Variants in PKN3 observed in about 807,000 individuals in gnomAD.
The protein encoded by PKN3 is protein kinase N3.
In PKN3, 91 loss-of-function variants were observed where a neutral mutation model predicts 113.1. The ratio of observed to expected loss-of-function variants is 0.80; its 90% CI spans 0.68 to 0.96. The LOEUF is 0.96. Ranked by LOEUF, PKN3 falls within the 40% of genes least tolerant of loss-of-function variation. PKN3 has a pLI of 0.00. For missense variants in PKN3, 1,052 were observed against 1,202.2 expected (o/e 0.88, Z 1.85); for synonymous variants, 467 against 499.0 (o/e 0.94, Z 0.85).
In PKN3 at chr9:128,714,871, C is replaced by T. The variant is rs1447020312; in HGVS notation, c.1652+6C>T. 4 of 1,612,756 alleles carry T rather than the reference C, an allele frequency of 2.5e-6. No individual in the cohort carries two copies. In the Admixed American group the frequency reaches 6.7e-5, roughly 27 times the overall value. ...CCACCAGCCTCCCCCACCAGGTACC[C>T]CATCCTGCGCACCTTCATGTTTGAG... On this transcript the variant is annotated splice_donor_region_variant and intron_variant, in intron 13 of 21. Transcript: ENST00000291906.
At chr9:128,705,703 G>A (rs1861992974) in intron 2 of PKN3, 31 bp from the exon 3 acceptor site, 1 of 1,574,518 alleles carries the variant, frequency 6.4e-7, no homozygotes, top group Non-Finnish European at 8.6e-7. Flanking sequence ...TCTGGGTGAG[G>A]GACTCCTGTG....
Position 128,706,903 on chromosome 9 carries a change from G to A in PKN3, c.531G>A (p.Glu177=), listed in dbSNP as rs1287084126. The change falls in exon 5 of 22, where the codon GAG becomes GAA. Residue 177 remains glutamate, a synonymous_variant. Coordinates refer to ENST00000291906, the MANE Select transcript of PKN3 (RefSeq NM_013355.5). The part of the protein sequence containing the change: ...EASGSPEPGP[E]LLAEELQHRL... ...CCGCCGTCCTTCCCACAGGGCCTGAGCTGCTGGCGGAGGAGCTACAGCATC... is the reference window on the plus strand; with the variant it reads ...CCGCCGTCCTTCCCACAGGGCCTGAACTGCTGGCGGAGGAGCTACAGCATC... The A allele has an allele frequency of 1.2e-6, 2 of 1,614,132 alleles. No homozygotes were observed. The highest frequency in any genetic ancestry group is 2.2e-5 in the East Asian group (1 of 44,884).
At chr9:128,706,626 T>C in intron 3 of PKN3, 87 bp from the exon 4 acceptor site, 1 of 1,000,062 alleles carries the variant, frequency 1.0e-6, no homozygotes. Flanking sequence ...CCTGTTTTGA[T>C]GGGGGAGACC....
chr9:128,711,587 C>T (rs1423090137), intron 6 of PKN3, among the ~76,000 whole-genome samples: 2 of 151,804 alleles, frequency 1.3e-5, no homozygotes, highest in African/African-American at 4.8e-5. Flanking sequence ...TGTGAGCCAC[C>T]ACGCCCGGCC....
chr9:128,711,403 T>A (rs1862171453), intron 6 of PKN3, among the ~76,000 whole-genome samples: 1 of 150,154 alleles, frequency 6.7e-6, no homozygotes, highest in Non-Finnish European at 1.5e-5. Flanking sequence ...GCCTCCCGGG[T>A]TCACGCCATT....
Position 128,720,674 on chromosome 9 carries a change from C to A in PKN3, c.*68C>A. 1.4e-6 allele frequency: 2 copies of A among 1,394,434 alleles called. No homozygotes were observed. 86.4% of individuals were successfully genotyped at this position (1,394,434 alleles called of 1,614,324 possible). On this transcript the variant is annotated 3_prime_UTR_variant, in exon 22 of 22. Transcript: ENST00000291906. This position sits in a 1 kb window ranked among gnomAD's most constrained non-coding sequence, Gnocchi z 5.5. The stretch of plus-strand genomic sequence containing the variant: ...TAGAGCCTCTGCTCGTTCACCCGTG[C>A]GCCCTGCCTGGAGGTCCAGGCCTTG...
At position 128,707,395 on chromosome 9, in the gene PKN3, C is replaced by A. The variant is rs144132484; in HGVS notation, c.825C>A (p.Thr275=). 1 of 1,606,764 alleles carries A rather than the reference C, an allele frequency of 6.2e-7. No homozygotes were observed. Among genetic ancestry groups the A allele is most frequent in the African/African-American group, 1.3e-5 (1 of 74,912 alleles). Residue 275 remains threonine, a synonymous_variant, in exon 6 of 22, where the codon ACC becomes ACA. Coordinates refer to ENST00000291906, the MANE Select transcript of PKN3 (RefSeq NM_013355.5). ...CTTCAGGGACACCTGTGAAGCCCACCGCCCTAACAGGTAGTCAGAAGTTCC... is the reference window on the plus strand; with the variant it reads ...CTTCAGGGACACCTGTGAAGCCCACAGCCCTAACAGGTAGTCAGAAGTTCC... ...PQPSGTPVKP[T]ALTGTLQVRL... is the part of the protein sequence containing the mutation.
chr9:128,706,489 C>T lies in PKN3; in HGVS notation c.412-224C>T, dbSNP rs118120340. Among the ~76,000 whole-genome samples the T allele has an allele frequency of 3.0e-3, 453 of 152,220 alleles. 7 individuals are homozygous for T. The East Asian group carries it at 0.034, about 11-fold the overall frequency. On this transcript the variant is annotated intron_variant, in intron 3 of 21. Transcript: ENST00000291906. ...CTGATGGGAGAGGCATGACCCCAGCCGTGATATGAAAGAGGAAATTTGACC... is the reference window on the plus strand; with the variant it reads ...CTGATGGGAGAGGCATGACCCCAGCTGTGATATGAAAGAGGAAATTTGACC...
At chr9:128,717,142 T>C (rs199539953) in intron 16 of PKN3, among the ~76,000 whole-genome samples, 57 of 127,816 alleles carry the variant, frequency 4.5e-4, no homozygotes, top group African/African-American at 1.6e-3. Flanking sequence ...TTTTTTTTTT[T>C]TGTGAGACAG....
intron 1 of PKN3, chr9:128,703,317 AG>A: frequency 1.0e-5 from 10 of 954,208 alleles, no homozygotes; most frequent in Non-Finnish European, 1.2e-5. Context: ...GGCGGGGCAC[AG>A]GGGCCTGGGG....
At chr9:128,712,744 G>A (rs1355027251) in intron 6 of PKN3, among the ~76,000 whole-genome samples, 2 of 152,170 alleles carry the variant, frequency 1.3e-5, no homozygotes, top group Non-Finnish European at 2.9e-5. Context: ...TGCATTCTGG[G>A]ACAACGTGGC....
In PKN3 at chr9:128,714,301, C is replaced by T. The variant is rs772950783; in HGVS notation, c.1417C>T (p.Pro473Ser). 11 of 1,613,280 alleles carry T rather than the reference C, an allele frequency of 6.8e-6. No homozygotes were observed. Among genetic ancestry groups the T allele is most frequent in the Non-Finnish European group, 8.5e-6 (10 of 1,179,652 alleles). Residue 473 changes from proline (P) to serine (S), a missense_variant, in exon 11 of 22, where the codon CCC becomes TCC. By Grantham distance (74) the Pro-to-Ser change is moderately conservative. Coordinates refer to ENST00000291906, the MANE Select transcript of PKN3 (RefSeq NM_013355.5). ...PPCSSPSTIS[P>S]PKGCPRTPTT... ...CTGCAGCTCCCCGAGCACAATCAGC[C>T]CCCCTAAAGGATGCCCTCGGACCCC... is the stretch of plus-strand genomic sequence containing the variant.
Position 128,705,883 on chromosome 9 carries a change from A to G in PKN3, c.411+4A>G, listed in dbSNP as rs1479056052. On this transcript the variant is annotated splice_donor_region_variant and intron_variant, in intron 3 of 21. Transcript: ENST00000291906. ...GTGCGCCAGTGGCACCCCCAAGGTA[A>G]GGCCCCACAGTCTGATGGCAGGAGC... The G allele has an allele frequency of 6.3e-7, 1 of 1,582,646 alleles. No individual in the cohort carries two copies. The highest frequency in any genetic ancestry group is 8.6e-7 in the Non-Finnish European group (1 of 1,160,908).
intron 6 of PKN3, among the ~76,000 whole-genome samples, chr9:128,708,653 T>C (rs1444981809): frequency 6.6e-6 from 1 of 151,928 alleles, no homozygotes; most frequent in Non-Finnish European, 1.5e-5. Context: ...TAGACGAGCC[T>C]GGGCAACATA....
At position 128,715,132 on chromosome 9, in the gene PKN3, G is replaced by C. The variant is rs373446376; in HGVS notation, c.1653-40G>C. 431 of 1,599,874 alleles carry C rather than the reference G, an allele frequency of 2.7e-4. No individual in the cohort carries two copies. The highest frequency in any genetic ancestry group is 1.9e-4 in the Non-Finnish European group (216 of 1,167,438). On this transcript the variant is annotated intron_variant, in intron 13 of 21. Coordinates refer to ENST00000291906, the MANE Select transcript of PKN3 (RefSeq NM_013355.5). This position sits in a 1 kb window ranked among gnomAD's most constrained non-coding sequence, Gnocchi z 4.1. ...GTGGCTCTGGGTAGGGGCCCAGCCAGTGCCCTAGGGGACTTCATATACCCT... is the reference window on the plus strand; with the variant it reads ...GTGGCTCTGGGTAGGGGCCCAGCCACTGCCCTAGGGGACTTCATATACCCT...
At position 128,707,011 on chromosome 9, in the gene PKN3, G is replaced by A; in HGVS notation, c.639G>A (p.Lys213=). The A allele has an allele frequency of 1.2e-6, 2 of 1,614,124 alleles. No homozygotes were observed. Among genetic ancestry groups the A allele is most frequent in the Non-Finnish European group, 1.7e-6 (2 of 1,179,986 alleles). The change falls in exon 5 of 22, where the codon AAG becomes AAA. Residue 213 remains lysine (K), a synonymous_variant. Coordinates refer to ENST00000291906, the MANE Select transcript of PKN3 (RefSeq NM_013355.5). ...GTAGCCGGAGAACACAGGACCGCAA[G>A]GCACTGGCTGAGGTCAGGCCCCAGC... is the stretch of plus-strand genomic sequence containing the variant. ...LLSSRRTQDR[K]ALAEAQAQLQ... is the part of the protein sequence containing the mutation.
rs748349356 is a variant in PKN3, at chr9:128,714,204, C to G, written c.1320C>G (p.Asp440Glu). The G allele has an allele frequency of 6.2e-7, 1 of 1,613,994 alleles. No homozygotes were observed. The highest frequency in any genetic ancestry group is 1.3e-5 in the African/African-American group (1 of 75,022). ...ERIFSKRRGQ[D>E]FLRASQMNLG... ...CTCCCCCTTTTCTCCCAGGCCAGGA[C>G]TTCCTGAGGGCTTCGCAGATGAACC... The change falls in exon 11 of 22, where the codon GAC becomes GAG. Residue 440 changes from aspartate to glutamate, a missense_variant. Around this residue, in one of 2 missense-constraint regions of PKN3, gnomAD observed 719 missense variants for 759.4 expected, o/e 0.95. Transcript: ENST00000291906.
rs1430396204 is a variant in PKN3, at chr9:128,703,329, G to T, written c.24+390G>T. 6 of 976,260 alleles carry T rather than the reference G, an allele frequency of 6.1e-6. No individual in the cohort carries two copies. The South Asian group carries it at 2.4e-4, about 39-fold the overall frequency. The allele number at this position is 976,260 out of a possible 1,614,324, so 60.5% of individuals were successfully genotyped here. ...AAAGGCGGGGCACAGGGGCCTGGGG[G>T]GGTTAGAATGTGCGCGCAGCGGGGG... On this transcript the variant is annotated intron_variant, in intron 1 of 21. Transcript: ENST00000291906.
rs765041696 is a variant in PKN3 at position 128,707,247 on chromosome 9, C to T, written c.677C>T (p.Ser226Phe). The T allele has an allele frequency of 6.2e-7, 1 of 1,610,916 alleles. No homozygotes were observed. Among genetic ancestry groups the T allele is most frequent in the Admixed American group, 1.7e-5 (1 of 59,908 alleles). ...AEAQAQLQES[S>F]QKLDLLRLAL... ...GCCCAGGCCCAGCTACAGGAGTCCTCTCAGAAACTGGACCTCCTGCGCCTG... is the reference window on the plus strand; with the variant it reads ...GCCCAGGCCCAGCTACAGGAGTCCTTTCAGAAACTGGACCTCCTGCGCCTG... Residue 226 changes from serine to phenylalanine, a missense_variant, in exon 6 of 22, where the codon TCT becomes TTT. Around this residue, in one of 2 missense-constraint regions of PKN3, gnomAD observed 719 missense variants for 759.4 expected, o/e 0.95. Coordinates refer to ENST00000291906, the MANE Select transcript of PKN3 (RefSeq NM_013355.5).
Sources: gnomAD v4.1 joint callset for allele counts (sites outside exome capture counted in the v4.1 genomes callset) on GRCh38, gnomAD v4.1.1 for gene constraint, gnomAD v4.1.1 regional missense constraint, Gnocchi (gnomAD v3.1) non-coding constraint, MANE v1.5 for transcripts, NCBI Gene and HGNC (gene_info 2026-07-23, HGNC 2026-07-21) for gene names.